Variants in NFATC2 observed in about 807,000 individuals in gnomAD.
NFATC2 encodes the protein nuclear factor of activated T-cells, cytoplasmic 2.
NFATC2 carries 22 observed loss-of-function variants against 87.3 expected under a neutral mutation model. That is an observed-to-expected ratio of 0.25 (90% CI 0.18 to 0.36). The LOEUF (loss-of-function observed/expected upper bound fraction) is 0.36, where lower values mean the gene tolerates loss of function less well. NFATC2 is among the 10% of genes least tolerant of loss of function. NFATC2 has a pLI of 1.00. For missense variants in NFATC2, 1,149 were observed against 1,259.1 expected (o/e 0.91, Z 1.32); for synonymous variants, 565 against 542.2 (o/e 1.04, Z -0.58).
At chr20:51,466,092 G>A (rs1233151975) in intron 5 of NFATC2, among the ~76,000 whole-genome samples, 2 of 151,976 alleles carry the variant, frequency 1.3e-5, no homozygotes, top group African/African-American at 2.4e-5. Flanking sequence ...TCACTCTGTC[G>A]CCCAGGCTGG....
At chr20:51,492,509 C>A (rs890900029) in intron 3 of NFATC2, among the ~76,000 whole-genome samples, 2 of 152,244 alleles carry the variant, frequency 1.3e-5, no homozygotes, top group African/African-American at 4.8e-5. Flanking sequence ...TTAATGCGAA[C>A]CAAACACAAA....
chr20:51,549,759 G>A (rs1053326383), intron 1 of NFATC2, among the ~76,000 whole-genome samples: 1 of 152,214 alleles, frequency 6.6e-6, no homozygotes, highest in African/African-American at 2.4e-5. Flanking sequence ...GGAAAACCAA[G>A]CTAATCTGAG....
intron 3 of NFATC2, among the ~76,000 whole-genome samples, chr20:51,503,668 G>A (rs1453650595): frequency 6.6e-6 from 1 of 152,260 alleles, no homozygotes; most frequent in Non-Finnish European, 1.5e-5. Flanking sequence ...AGCCCACAGC[G>A]AGGCTGCACC....
At chr20:51,441,324 T>C (rs771242370) in intron 6 of NFATC2, among the ~76,000 whole-genome samples, 22 of 152,064 alleles carry the variant, frequency 1.4e-4, no homozygotes, top group Non-Finnish European at 2.8e-4. Flanking sequence ...CTCAGCCTGA[T>C]GTCACTCTGC....
chr20:51,398,547 G>C, intron 10 of NFATC2, 96 bp downstream of exon 10: 1 of 767,248 alleles, frequency 1.3e-6, no homozygotes, highest in Non-Finnish European at 2.0e-6. Flanking sequence ...CCTTCAGCCT[G>C]TCAAGTTTTC....
chr20:51,521,971 G>A (rs573775779), intron 2 of NFATC2, among the ~76,000 whole-genome samples: 42 of 152,254 alleles, frequency 2.8e-4, no homozygotes, highest in African/African-American at 9.6e-4. Context: ...TTTCCATGCT[G>A]CAGTTTCTAC....
chr20:51,435,113 C>T, intron 8 of NFATC2, 75 bp downstream of exon 8: 1 of 1,562,364 alleles, frequency 6.4e-7, no homozygotes, highest in Non-Finnish European at 8.7e-7. Flanking sequence ...CGGCTAGGAG[C>T]AGACTTCAGG....
chr20:51,434,789 T>TG (rs919438967), intron 8 of NFATC2, among the ~76,000 whole-genome samples: 40 of 152,160 alleles, frequency 2.6e-4, no homozygotes, highest in Admixed American at 3.9e-4. Context: ...ATGACTCACA[T>TG]GGGGGGGTCA....
chr20:51,420,313 C>T (rs1467921468), intron 9 of NFATC2, among the ~76,000 whole-genome samples: 1 of 152,170 alleles, frequency 6.6e-6, no homozygotes, highest in Non-Finnish European at 1.5e-5. Flanking sequence ...ACAGGCAACC[C>T]AACTCCACGT....
At chr20:51,426,226 C>A (rs190496836) in intron 9 of NFATC2, among the ~76,000 whole-genome samples, 1 of 152,314 alleles carries the variant, frequency 6.6e-6, no homozygotes, top group East Asian at 1.9e-4. Context: ...CAGCTATAAT[C>A]CCAGCACTTT....
intron 3 of NFATC2, among the ~76,000 whole-genome samples, chr20:51,507,840 G>C (rs986650904): frequency 6.6e-6 from 1 of 152,198 alleles, no homozygotes; most frequent in African/African-American, 2.4e-5. Context: ...CTGTGTCCCA[G>C]TTTCCTTGCC....
chr20:51,526,440 A>G (rs1326598644), intron 1 of NFATC2, among the ~76,000 whole-genome samples: 1 of 152,140 alleles, frequency 6.6e-6, no homozygotes, highest in African/African-American at 2.4e-5. Context: ...AGAATTTTAC[A>G]ACCCCACACT....
chr20:51,506,849 T>C (rs1302530782), intron 3 of NFATC2, among the ~76,000 whole-genome samples: 1 of 152,114 alleles, frequency 6.6e-6, no homozygotes, highest in Non-Finnish European at 1.5e-5. Flanking sequence ...ATGTCTCCTT[T>C]CCCATATAAT....
intron 10 of NFATC2, among the ~76,000 whole-genome samples, chr20:51,397,609 C>G (rs1481120116): frequency 6.6e-6 from 1 of 152,130 alleles, no homozygotes; most frequent in South Asian, 2.1e-4. Context: ...GAGGACACTC[C>G]TGAGGGACTC....
At position 51,488,532 on chromosome 20, in the gene NFATC2, C is replaced by T. The variant is rs145973486; in HGVS notation, c.1333-12872G>A. ...AGTCTCTGGACATTGCTAAATGTCC[C>T]CTGGGACACGAAATCACTCCTATTG... is the stretch of plus-strand genomic sequence containing the variant. On this transcript the variant is annotated intron_variant, in intron 3 of 10. Coordinates refer to ENST00000371564, the MANE Select transcript of NFATC2 (RefSeq NM_012340.5). 1.1e-3 allele frequency among the ~76,000 whole-genome samples: 173 copies of T among 152,240 alleles called. 4 individuals carry two copies. The East Asian group carries it at 0.021, about 19-fold the overall frequency.
At chr20:51,476,682 C>T (rs6096444) in intron 3 of NFATC2, among the ~76,000 whole-genome samples, 74,388 of 152,042 alleles carry the variant, frequency 0.49, 19,219 homozygotes, top group African/African-American at 0.65. Flanking sequence ...CCTAGAGTAA[C>T]GCTTGGCACA....
At chr20:51,490,757 C>T (rs1019952151) in intron 3 of NFATC2, among the ~76,000 whole-genome samples, 2 of 151,920 alleles carry the variant, frequency 1.3e-5, no homozygotes, top group Admixed American at 1.3e-4. Context: ...GAGTTTGAGA[C>T]CAGCTTGGGT....
chr20:51,395,234 G>T (rs1600641470), intron 10 of NFATC2, among the ~76,000 whole-genome samples: 2 of 152,270 alleles, frequency 1.3e-5, no homozygotes, highest in East Asian at 3.9e-4. Flanking sequence ...TTTTATAGAT[G>T]GGGAAATAGA....
intron 10 of NFATC2, among the ~76,000 whole-genome samples, chr20:51,397,992 G>A (rs1400933351): frequency 6.6e-6 from 1 of 152,154 alleles, no homozygotes; most frequent in Non-Finnish European, 1.5e-5. Context: ...CTTCTTAGCG[G>A]CCAGGCTCCT....
Sources: allele counts gnomAD v4.1 joint callset (sites outside exome capture counted in the v4.1 genomes callset), GRCh38; gene constraint gnomAD v4.1.1; transcripts MANE v1.5; gene names NCBI Gene and HGNC (gene_info 2026-07-23, HGNC 2026-07-21).